ADAM7: variants seen among roughly 807,000 people sequenced by gnomAD.
The protein encoded by ADAM7 is ADAM metallopeptidase domain 7, also known as disintegrin and metalloproteinase domain-containing protein 7.
Under a neutral mutation model 102.9 loss-of-function variants are expected in ADAM7, and 97 were observed. The observed-to-expected ratio is 0.94, with a 90% CI of 0.80 to 1.12. The LOEUF (loss-of-function observed/expected upper bound fraction) is 1.12. Ranked by LOEUF, ADAM7 falls within the 50% of genes most tolerant of loss-of-function variation. ADAM7 has a pLI of 0.00. For missense variants in ADAM7, 991 were observed against 908.7 expected (o/e 1.09, Z -1.16); for synonymous variants, 334 against 304.4 (o/e 1.10, Z -1.01).
At chr8:24,458,367 C>T (rs753643791) in intron 3 of ADAM7, among the ~76,000 whole-genome samples, 1 of 152,164 alleles carries the variant, frequency 6.6e-6, no homozygotes, top group South Asian at 2.1e-4. Flanking sequence ...CAATGTGGAG[C>T]TCTCACCTGT....
At chr8:24,468,619 T>C (rs1819507183) in intron 6 of ADAM7, 148 bp from the exon 7 acceptor site, 1 of 666,242 alleles carries the variant, frequency 1.5e-6, no homozygotes, top group Non-Finnish European at 2.6e-6. Flanking sequence ...GATAAATTCG[T>C]ACAATTTTTA....
intron 3 of ADAM7, among the ~76,000 whole-genome samples, chr8:24,448,686 A>G (rs907193152): frequency 1.5e-5 from 2 of 133,416 alleles, no homozygotes; most frequent in African/African-American, 2.7e-5. Flanking sequence ...TTATTATTAT[A>G]CTTTAAGTTT....
At chr8:24,492,179 G>T (rs1279256073) in intron 14 of ADAM7, 81 bp downstream of exon 14, 6 of 1,339,386 alleles carry the variant, frequency 4.5e-6, no homozygotes, top group South Asian at 2.8e-5. Flanking sequence ...ATTGGGTCAA[G>T]ATCAGATATA....
At position 24,493,111 on chromosome 8, in the gene ADAM7, C is replaced by T. The variant is rs1375854433; in HGVS notation, c.1724C>T (p.Thr575Ile). The T allele has an allele frequency of 6.2e-7, 1 of 1,613,144 alleles. No individual in the cohort carries two copies. Among genetic ancestry groups the T allele is most frequent in the Non-Finnish European group, 8.5e-7 (1 of 1,179,506 alleles). ...TCCTCTCTCCTTGGAGAAGACAAGA[C>T]TTATCACCTTAAGGATCCCCAGAAG... ...ELSSLLGEDK[T>I]YHLKDPQKNA... The change falls in exon 16 of 22, where the codon ACT (threonine) becomes ATT (isoleucine). Residue 575 changes from threonine to isoleucine, a missense_variant. Physicochemically the swap from Thr to Ile is moderately conservative, Grantham distance 89. Coordinates refer to ENST00000175238, the MANE Select transcript of ADAM7 (RefSeq NM_003817.4).
intron 5 of ADAM7, 127 bp downstream of exon 5, chr8:24,465,902 C>A: frequency 1.7e-6 from 1 of 585,566 alleles, no homozygotes; most frequent in Non-Finnish European, 2.8e-6. Context: ...AGCTGCTGTG[C>A]ATTTTTAGCA....
chr8:24,506,155 T>G, intron 20 of ADAM7: 1 of 1,549,210 alleles, frequency 6.5e-7, no homozygotes, highest in Non-Finnish European at 8.7e-7. Context: ...TACATCACAC[T>G]GGTACGTTCC....
intron 17 of ADAM7, 28 bp from the exon 18 acceptor site, chr8:24,500,150 G>A: frequency 6.3e-7 from 1 of 1,586,004 alleles, no homozygotes; most frequent in Non-Finnish European, 8.6e-7. Flanking sequence ...TCAGTCATTT[G>A]AGAATATATC....
intron 13 of ADAM7, 25 bp from the exon 14 acceptor site, chr8:24,491,878 T>C: frequency 6.4e-7 from 1 of 1,554,738 alleles, no homozygotes; most frequent in Non-Finnish European, 8.7e-7. Flanking sequence ...ATCCAGGATT[T>C]AGTCTCTTTG....
intron 8 of ADAM7, among the ~76,000 whole-genome samples, chr8:24,477,852 A>G (rs760266457): frequency 6.6e-6 from 1 of 151,908 alleles, no homozygotes; most frequent in Admixed American, 6.6e-5. Context: ...TGTTGGGCCA[A>G]CAAGATTCTT....
At chr8:24,496,330 A>T (rs1359729291) in intron 16 of ADAM7, among the ~76,000 whole-genome samples, 1 of 152,226 alleles carries the variant, frequency 6.6e-6, no homozygotes, top group Admixed American at 6.5e-5. Flanking sequence ...CCTCATGGAG[A>T]ATCTCTGCTA....
chr8:24,497,350 A>G (rs1820594547), intron 16 of ADAM7, among the ~76,000 whole-genome samples: 1 of 152,180 alleles, frequency 6.6e-6, no homozygotes, highest in African/African-American at 2.4e-5. Context: ...TATCAAGAAA[A>G]ATTTTTTGAA....
intron 8 of ADAM7, among the ~76,000 whole-genome samples, chr8:24,478,133 C>T (rs953293004): frequency 6.6e-6 from 1 of 152,166 alleles, no homozygotes; most frequent in Non-Finnish European, 1.5e-5. Flanking sequence ...TAACTGGATT[C>T]TCTGCTCAGG....
At chr8:24,443,062 G>T (rs1818428513) in intron 2 of ADAM7, among the ~76,000 whole-genome samples, 3 of 152,130 alleles carry the variant, frequency 2.0e-5, no homozygotes, top group South Asian at 2.1e-4. Context: ...AGTAACGAAT[G>T]CTTATTATAG....
At chr8:24,453,384 G>T (rs549122833) in intron 3 of ADAM7, among the ~76,000 whole-genome samples, 1 of 151,678 alleles carries the variant, frequency 6.6e-6, no homozygotes, top group Non-Finnish European at 1.5e-5. Flanking sequence ...TTCCCTTCTC[G>T]CTTCATTTCA....
chr8:24,454,125 G>A (rs1013087161), intron 3 of ADAM7, among the ~76,000 whole-genome samples: 3 of 152,240 alleles, frequency 2.0e-5, no homozygotes, highest in African/African-American at 7.2e-5. Context: ...CGAGGAGGCA[G>A]TCTGCCCATT....
intron 6 of ADAM7, 104 bp downstream of exon 6, chr8:24,467,092 C>A (rs781340208): frequency 7.1e-6 from 8 of 1,126,078 alleles, no homozygotes; most frequent in Non-Finnish European, 8.9e-6. Context: ...ATATGTGCTA[C>A]TTTCAGTCTG....
chr8:24,489,997 A>C (rs911841762), intron 12 of ADAM7, among the ~76,000 whole-genome samples: 3 of 152,198 alleles, frequency 2.0e-5, no homozygotes, highest in African/African-American at 7.2e-5. Context: ...AGATTCAGTA[A>C]GTATGGAGTG....
chr8:24,482,081 T>C, intron 8 of ADAM7, 61 bp from the exon 9 acceptor site: 1 of 1,211,624 alleles, frequency 8.3e-7, no homozygotes, highest in Non-Finnish European at 1.1e-6. Flanking sequence ...AGGAATATAG[T>C]AATATTGAAG....
In ADAM7 at chr8:24,509,475, T is replaced by G; in HGVS notation, c.*929T>G. 1 of 984,786 alleles carries G rather than the reference T, an allele frequency of 1.0e-6. No homozygotes were observed. The highest frequency in any genetic ancestry group is 1.2e-6 in the Non-Finnish European group (1 of 829,342). 61.0% of individuals were successfully genotyped at this position (984,786 alleles called of 1,614,324 possible). A position where few individuals can be genotyped will look rare whatever the true frequency, so the allele number is the denominator to read the frequency against. On this transcript the variant is annotated 3_prime_UTR_variant, in exon 22 of 22. Transcript: ENST00000175238. ...ACTGTTAAAGCTACATGCATTATTT[T>G]TTTTCCATTTACTGAAATAAAGTTT... is the stretch of plus-strand genomic sequence containing the variant.
Sources: gnomAD v4.1 joint callset for allele counts (sites outside exome capture counted in the v4.1 genomes callset) on GRCh38, gnomAD v4.1.1 for gene constraint, MANE v1.5 for transcripts, NCBI Gene and HGNC (gene_info 2026-07-23, HGNC 2026-07-21) for gene names.